CDKAL1: variants seen among roughly 807,000 people sequenced by gnomAD.
CDKAL1 encodes CDKAL1 threonylcarbamoyladenosine tRNA methylthiotransferase.
In CDKAL1, 32 loss-of-function variants were observed where a neutral mutation model predicts 68.2. That is an observed-to-expected ratio of 0.47 (90% CI 0.35 to 0.63). The LOEUF (loss-of-function observed/expected upper bound fraction) is 0.63. Ranked by LOEUF, CDKAL1 falls within the 30% of genes least tolerant of loss-of-function variation. CDKAL1 has a pLI of 0.00. For missense variants in CDKAL1, 606 were observed against 696.7 expected, an observed-to-expected ratio of 0.87 and a Z score of 1.47; for synonymous variants, 234 against 244.3, an observed-to-expected ratio of 0.96 and a Z score of 0.39.
intron 5 of CDKAL1, among the ~76,000 whole-genome samples, chr6:20,730,005 G>C (rs529412834): frequency 5.0e-4 from 76 of 152,082 alleles, no homozygotes; most frequent in Non-Finnish European, 9.4e-4. Context: ...GTTGGAGACA[G>C]ACTATTAAAA....
chr6:20,810,313 A>G (rs926968519), intron 8 of CDKAL1, among the ~76,000 whole-genome samples: 2 of 149,292 alleles, frequency 1.3e-5, no homozygotes, highest in African/African-American at 2.5e-5. Flanking sequence ...GTATCATTTA[A>G]TTAGTTAATA....
intron 4 of CDKAL1, among the ~76,000 whole-genome samples, chr6:20,555,080 C>T (rs1373246956): frequency 2.0e-5 from 3 of 152,088 alleles, no homozygotes; most frequent in Admixed American, 2.0e-4. Flanking sequence ...ATTCATTTGG[C>T]AAACATTCTC....
intron 9 of CDKAL1, among the ~76,000 whole-genome samples, chr6:20,881,155 C>T (rs10946415): frequency 0.18 from 27,578 of 152,204 alleles, 2,758 homozygotes; most frequent in Middle Eastern, 0.27. Flanking sequence ...AGGAACAGCA[C>T]AGTCGCTTGG....
At chr6:20,631,344 C>A (rs1581857533) in intron 4 of CDKAL1, among the ~76,000 whole-genome samples, 2 of 152,178 alleles carry the variant, frequency 1.3e-5, no homozygotes, top group South Asian at 2.1e-4. Flanking sequence ...TTGCATATAT[C>A]ACTGGTTAGG....
intron 13 of CDKAL1, chr6:21,135,703 G>A (rs1582272855): frequency 1.0e-6 from 1 of 984,886 alleles, no homozygotes; most frequent in African/African-American, 1.7e-5. Flanking sequence ...TGGAAGCTGG[G>A]ACAGGACTGA....
At chr6:20,695,754 A>G (rs1412901532) in intron 5 of CDKAL1, among the ~76,000 whole-genome samples, 2 of 152,180 alleles carry the variant, frequency 1.3e-5, no homozygotes, top group East Asian at 3.8e-4. Flanking sequence ...TAATTGTAGT[A>G]AAATATACAT....
intron 8 of CDKAL1, among the ~76,000 whole-genome samples, chr6:20,815,285 G>A (rs1277011919): frequency 6.6e-6 from 1 of 151,888 alleles, no homozygotes; most frequent in Non-Finnish European, 1.5e-5. Flanking sequence ...CAGATACTTT[G>A]TTTCTCTGTT....
chr6:20,727,891 C>G (rs1014039848), intron 5 of CDKAL1, among the ~76,000 whole-genome samples: 1 of 152,104 alleles, frequency 6.6e-6, no homozygotes, highest in Non-Finnish European at 1.5e-5. Context: ...TATTTGAACT[C>G]AGAACATTAA....
chr6:21,108,679 A>G (rs1481076554), intron 13 of CDKAL1, among the ~76,000 whole-genome samples: 2 of 152,170 alleles, frequency 1.3e-5, no homozygotes, highest in African/African-American at 4.8e-5. Flanking sequence ...ATCTAGTTAC[A>G]TATTGGCACT....
At chr6:21,022,255 A>C (rs1768707480) in intron 11 of CDKAL1, among the ~76,000 whole-genome samples, 2 of 152,250 alleles carry the variant, frequency 1.3e-5, no homozygotes, top group African/African-American at 2.4e-5. Flanking sequence ...ACCTTAACTC[A>C]TTCCACTGTT....
intron 11 of CDKAL1, among the ~76,000 whole-genome samples, chr6:21,062,223 C>A (rs9465956): frequency 0.29 from 44,785 of 152,066 alleles, 6,837 homozygotes; most frequent in South Asian, 0.35. Context: ...TTTGTTTTTA[C>A]AGTATTTCCC....
At chr6:20,920,103 A>C (rs1443082118) in intron 9 of CDKAL1, among the ~76,000 whole-genome samples, 1 of 152,154 alleles carries the variant, frequency 6.6e-6, no homozygotes, top group African/African-American at 2.4e-5. Flanking sequence ...TCCTTTTAAT[A>C]AACTCCTTTC....
chr6:20,592,287 A>G (rs541967348), intron 4 of CDKAL1, among the ~76,000 whole-genome samples: 28 of 152,254 alleles, frequency 1.8e-4, no homozygotes, highest in South Asian at 4.1e-4. Context: ...TGAATATACA[A>G]TCATGTCATC....
intron 4 of CDKAL1, among the ~76,000 whole-genome samples, chr6:20,587,008 C>T (rs1344715003): frequency 8.6e-5 from 4 of 46,404 alleles, no homozygotes; most frequent in Admixed American, 3.2e-4. Flanking sequence ...TTTTTTGAGA[C>T]GGAGTTTTGC....
At chr6:21,102,010 T>C (rs1324558844) in intron 12 of CDKAL1, among the ~76,000 whole-genome samples, 1 of 152,198 alleles carries the variant, frequency 6.6e-6, no homozygotes, top group Non-Finnish European at 1.5e-5. Context: ...CTTGCCTTTG[T>C]CCCACTTGAG....
At chr6:20,817,159 G>A (rs1399320704) in intron 8 of CDKAL1, among the ~76,000 whole-genome samples, 2 of 152,104 alleles carry the variant, frequency 1.3e-5, no homozygotes, top group Non-Finnish European at 2.9e-5. Flanking sequence ...TGGAAGTAGA[G>A]CTCAGGCCTT....
At chr6:21,019,079 T>G (rs1029129920) in intron 11 of CDKAL1, among the ~76,000 whole-genome samples, 2 of 152,170 alleles carry the variant, frequency 1.3e-5, no homozygotes, top group East Asian at 1.9e-4. Context: ...CTCCCAAATA[T>G]CTGGGATTAT....
intron 13 of CDKAL1, among the ~76,000 whole-genome samples, chr6:21,149,351 A>G (rs1776306485): frequency 1.3e-5 from 2 of 151,982 alleles, no homozygotes; most frequent in Admixed American, 1.3e-4. Flanking sequence ...TCGCCATGTT[A>G]GCCAGGCTGG....
At chr6:20,802,542 A>G (rs2150408295) in intron 8 of CDKAL1, among the ~76,000 whole-genome samples, 1 of 152,242 alleles carries the variant, frequency 6.6e-6, no homozygotes, top group Middle Eastern at 3.4e-3. Context: ...TGAAATATAT[A>G]CATACACATA....
Sources: gnomAD v4.1 joint callset for allele counts (sites outside exome capture counted in the v4.1 genomes callset) on GRCh38, gnomAD v4.1.1 for gene constraint, MANE v1.5 for transcripts, NCBI Gene and HGNC (gene_info 2026-07-23, HGNC 2026-07-21) for gene names.